The following ERC2 variants were observed in gnomAD, a reference collection of about 807,000 sequenced individuals.
ERC2 encodes ERC protein 2.
A neutral mutation model predicts 114.8 loss-of-function variants in ERC2; 42 were observed. The ratio of observed to expected loss-of-function variants is 0.37; its 90% confidence interval spans 0.29 to 0.47. The LOEUF is 0.47. ERC2 is among the 20% of genes least tolerant of loss of function. The pLI is 0.99. For missense variants in ERC2, 939 were observed against 1,150.7 expected (o/e 0.82, Z 2.66); for synonymous variants, 454 against 425.5 (o/e 1.07, Z -0.82).
At chr3:56,164,125 A>G (rs1212237723) in intron 4 of ERC2, among the ~76,000 whole-genome samples, 2 of 152,072 alleles carry the variant, frequency 1.3e-5, no homozygotes, top group Non-Finnish European at 2.9e-5. Flanking sequence ...TTCATGAGCT[A>G]TAATACACAC....
At chr3:55,644,047 G>T (rs961516798) in intron 17 of ERC2, among the ~76,000 whole-genome samples, 1 of 152,052 alleles carries the variant, frequency 6.6e-6, no homozygotes, top group East Asian at 1.9e-4. Flanking sequence ...CAGATGCTGA[G>T]GAGGGCAGGG....
chr3:56,380,267 G>A (rs1010395956), intron 2 of ERC2, among the ~76,000 whole-genome samples: 1 of 152,010 alleles, frequency 6.6e-6, no homozygotes, highest in African/African-American at 2.4e-5. Flanking sequence ...GCTGACCTGA[G>A]GTCCTGTCGC....
intron 17 of ERC2, among the ~76,000 whole-genome samples, chr3:55,574,433 A>G (rs571118724): frequency 5.3e-5 from 8 of 152,172 alleles, no homozygotes; most frequent in Middle Eastern, 3.4e-3. Flanking sequence ...TCCTAGGAGG[A>G]ATGAGCTCTC....
At chr3:55,897,443 T>C (rs775111367) in intron 13 of ERC2, among the ~76,000 whole-genome samples, 7 of 152,274 alleles carry the variant, frequency 4.6e-5, no homozygotes, top group Middle Eastern at 3.2e-3. Flanking sequence ...GGCTCCGCCA[T>C]CCATCCTGGT....
chr3:55,804,987 C>T (rs941596436), intron 14 of ERC2, among the ~76,000 whole-genome samples: 3 of 152,094 alleles, frequency 2.0e-5, no homozygotes, highest in African/African-American at 7.2e-5. Flanking sequence ...CAGTGCCACA[C>T]AATATGAATT....
intron 1 of ERC2, among the ~76,000 whole-genome samples, chr3:56,466,673 G>A (rs1184102031): frequency 6.6e-6 from 1 of 152,142 alleles, no homozygotes; most frequent in East Asian, 1.9e-4. Context: ...TGAGTTAACT[G>A]TCAGAACTAA....
intron 6 of ERC2, among the ~76,000 whole-genome samples, chr3:56,138,003 A>G (rs1173659661): frequency 2.0e-5 from 3 of 150,108 alleles, no homozygotes; most frequent in Non-Finnish European, 4.4e-5. Flanking sequence ...TAAAATACCC[A>G]TACCTTTGCA....
intron 3 of ERC2, among the ~76,000 whole-genome samples, chr3:56,257,986 C>T (rs891541933): frequency 3.9e-5 from 6 of 152,182 alleles, no homozygotes; most frequent in African/African-American, 1.2e-4. Flanking sequence ...TGCTTTCAGA[C>T]CGGCAGCTTA....
intron 3 of ERC2, among the ~76,000 whole-genome samples, chr3:56,228,885 G>A (rs563737102): frequency 3.9e-5 from 6 of 152,210 alleles, no homozygotes; most frequent in African/African-American, 9.6e-5. Context: ...TACTTGGGCC[G>A]CCTTTATGGC....
At position 55,906,087 on chromosome 3, in the gene ERC2, C is replaced by T. The variant is rs553076000; in HGVS notation, c.2404-17538G>A. Among the ~76,000 whole-genome samples the T allele has an allele frequency of 2.2e-4, 34 of 152,268 alleles. No homozygotes were observed. The South Asian group carries it at 5.4e-3, about 24-fold the overall frequency. On this transcript the variant is annotated intron_variant, in intron 13 of 17. Coordinates refer to ENST00000288221, the MANE Select transcript of ERC2 (RefSeq NM_015576.3). ...TGTATTTGTAATACCCATCCTGAGG[C>T]CTGGCACATGGCTGACACTTAGTAA... is the stretch of plus-strand genomic sequence containing the variant.
intron 4 of ERC2, among the ~76,000 whole-genome samples, 180 bp from the exon 5 acceptor site, chr3:56,149,312 T>C (rs1363740576): frequency 6.6e-6 from 1 of 152,148 alleles, no homozygotes; most frequent in Non-Finnish European, 1.5e-5. Flanking sequence ...TGTGAGATGA[T>C]AGTTTAAGCT....
At chr3:56,184,515 C>G (rs2083473024) in intron 3 of ERC2, among the ~76,000 whole-genome samples, 1 of 152,154 alleles carries the variant, frequency 6.6e-6, no homozygotes, top group South Asian at 2.1e-4. Context: ...GCCTGATTTG[C>G]TCTGCACAGC....
At chr3:55,888,074 C>T (rs9857973) in intron 14 of ERC2, among the ~76,000 whole-genome samples, 27,429 of 152,146 alleles carry the variant, frequency 0.18, 2,885 homozygotes, top group African/African-American at 0.26. Flanking sequence ...TTGTGCTTAA[C>T]GGGGCCTCCA....
intron 4 of ERC2, among the ~76,000 whole-genome samples, chr3:56,170,377 A>G (rs2082569855): frequency 6.6e-6 from 1 of 152,190 alleles, no homozygotes; most frequent in Admixed American, 6.5e-5. Flanking sequence ...GAGGGGGTAC[A>G]CAAAAATCTA....
At chr3:55,847,492 C>G (rs6782906) in intron 14 of ERC2, among the ~76,000 whole-genome samples, 1 of 151,940 alleles carries the variant, frequency 6.6e-6, no homozygotes, top group Non-Finnish European at 1.5e-5. Flanking sequence ...GAATAAATCA[C>G]GATGCCACAG....
chr3:56,114,262 G>A (rs1425077140), intron 6 of ERC2, among the ~76,000 whole-genome samples: 3 of 152,174 alleles, frequency 2.0e-5, no homozygotes, highest in South Asian at 2.1e-4. Context: ...AAGGTGAAAC[G>A]GAGGACACAG....
chr3:55,531,746 T>C (rs2053681460), intron 17 of ERC2, among the ~76,000 whole-genome samples: 1 of 152,224 alleles, frequency 6.6e-6, no homozygotes, highest in Non-Finnish European at 1.5e-5. Context: ...TGAATTCCCC[T>C]TCCTGGCTGC....
chr3:55,710,891 G>C (rs2063744084), intron 15 of ERC2, among the ~76,000 whole-genome samples: 1 of 152,172 alleles, frequency 6.6e-6, no homozygotes, highest in African/African-American at 2.4e-5. Context: ...AGGGGAGACT[G>C]AGGCTCCAAG....
chr3:56,177,457 ATGACAG>A (rs2083040749), intron 3 of ERC2, among the ~76,000 whole-genome samples: 1 of 152,218 alleles, frequency 6.6e-6, no homozygotes, highest in Non-Finnish European at 1.5e-5. Flanking sequence ...TAGTTTTCAC[ATGACAG>A]TGTTATTAAA....
Sources: allele counts gnomAD v4.1 joint callset (sites outside exome capture counted in the v4.1 genomes callset), GRCh38; gene constraint gnomAD v4.1.1; transcripts MANE v1.5; gene names NCBI Gene and HGNC (gene_info 2026-07-23, HGNC 2026-07-21).